Variants in UBR2 observed in about 807,000 individuals in gnomAD.
UBR2 encodes E3 ubiquitin-protein ligase UBR2.
A neutral mutation model predicts 247.9 loss-of-function variants in UBR2; 92 were observed. The observed-to-expected ratio is 0.37, with a 90% CI of 0.31 to 0.44. UBR2 has a LOEUF of 0.44. Among genes scored for constraint, UBR2 ranks in the 20% least tolerant of loss-of-function variants. The probability of loss-of-function intolerance (pLI) is 1.00; values close to 1 mark genes in which losing one functional copy is unlikely to be tolerated. For synonymous variants in UBR2, 672 were observed against 693.5 expected, an observed-to-expected ratio of 0.97 and a Z score of 0.49; for missense variants, 1,613 against 2,112.6, an observed-to-expected ratio of 0.76 and a Z score of 4.64.
At chr6:42,617,349 C>T (rs377326832) in intron 10 of UBR2, 60 bp from the exon 11 acceptor site, 20 of 1,613,886 alleles carry the variant, frequency 1.2e-5, no homozygotes, top group Non-Finnish European at 1.5e-5. Context: ...GTGAGTAGTG[C>T]TTGCCTTTTC....
At chr6:42,661,462 A>C (rs1189506645) in intron 30 of UBR2, among the ~76,000 whole-genome samples, 1 of 152,220 alleles carries the variant, frequency 6.6e-6, no homozygotes, top group African/African-American at 2.4e-5. Flanking sequence ...AATTAAAACT[A>C]TTAAAGCAAA....
intron 21 of UBR2, among the ~76,000 whole-genome samples, chr6:42,646,413 C>T (rs1031083865): frequency 1.3e-5 from 2 of 152,210 alleles, no homozygotes; most frequent in Admixed American, 6.5e-5. Flanking sequence ...CCAGCTTCAA[C>T]AGAGGCCAGT....
chr6:42,593,931 A>G (rs1792820775), intron 3 of UBR2, among the ~76,000 whole-genome samples: 1 of 152,162 alleles, frequency 6.6e-6, no homozygotes, highest in Admixed American at 6.5e-5. Context: ...GATCCTCATG[A>G]TTTTCCTAAT....
chr6:42,631,875 TATATATATATATATAA>T (rs922251953), intron 11 of UBR2, among the ~76,000 whole-genome samples: 3 of 139,656 alleles, frequency 2.1e-5, no homozygotes, highest in Admixed American at 7.2e-5. Flanking sequence ...TATATATATA[TATATATATATATATAA>T]ATACAGGTTC....
intron 22 of UBR2, among the ~76,000 whole-genome samples, chr6:42,649,633 G>A (rs907664034): frequency 3.7e-4 from 56 of 152,078 alleles, no homozygotes; most frequent in African/African-American, 1.2e-3. Flanking sequence ...TTTAATTTGC[G>A]TTACTCTAAG....
At chr6:42,573,654 C>A in intron 1 of UBR2, 80 bp from the exon 2 acceptor site, 1 of 1,370,462 alleles carries the variant, frequency 7.3e-7, no homozygotes, top group Non-Finnish European at 9.5e-7. Context: ...TATTTTTGTA[C>A]CTAAAAGAAA....
chr6:42,661,822 C>T (rs1797829410), intron 30 of UBR2, among the ~76,000 whole-genome samples: 1 of 152,184 alleles, frequency 6.6e-6, no homozygotes, highest in Non-Finnish European at 1.5e-5. Context: ...CATAAGGCAG[C>T]CCCATGAAGA....
intron 7 of UBR2, among the ~76,000 whole-genome samples, chr6:42,611,228 C>T (rs181120661): frequency 2.6e-3 from 394 of 149,570 alleles, no homozygotes; most frequent in African/African-American, 9.1e-3. Context: ...TTTGGGAGGC[C>T]GAGGTGGGGG....
chr6:42,686,756 C>G (rs1000319949), intron 44 of UBR2, among the ~76,000 whole-genome samples: 7 of 152,128 alleles, frequency 4.6e-5, no homozygotes, highest in South Asian at 4.2e-4. Context: ...GGCTGCCCCC[C>G]ACCTCCCGGA....
At chr6:42,569,556 AT>A (rs1670995501) in intron 1 of UBR2, among the ~76,000 whole-genome samples, 1 of 152,026 alleles carries the variant, frequency 6.6e-6, no homozygotes, top group South Asian at 2.1e-4. Flanking sequence ...TTTGTTTAAA[AT>A]TTTTCTCAAT....
intron 36 of UBR2, among the ~76,000 whole-genome samples, chr6:42,671,306 A>G (rs1798421336): frequency 6.6e-6 from 1 of 151,826 alleles, no homozygotes; most frequent in South Asian, 2.1e-4. Context: ...ACTACTTAAG[A>G]GGCTGAGTTG....
In UBR2 at chr6:42,657,260, T is replaced by A. The variant is rs181752096; in HGVS notation, c.2873-764T>A. On this transcript the variant is annotated intron_variant, in intron 26 of 46. Transcript: ENST00000372901. ...AAAAAAAAAAAAAAAAAAAATTAGG[T>A]TCTCTCTTACTTTCTCTTTCCTTAT... Among the ~76,000 whole-genome samples, 91 of 150,530 alleles carry A rather than the reference T, an allele frequency of 6.0e-4. 1 individual carries two copies. The East Asian group carries it at 0.017, about 27-fold the overall frequency.
rs745482391 is a variant in UBR2 at position 42,650,297 on chromosome 6, A to G, written c.2476A>G (p.Thr826Ala). Residue 826 changes from threonine (T) to alanine (A), a missense_variant, in exon 23 of 47, where the codon ACA becomes GCA. Physicochemically the swap from Thr to Ala is moderately conservative, Grantham distance 58 (BLOSUM62 0). Around this residue, in one of 3 missense-constraint regions of UBR2, gnomAD observed 1,524 missense variants for 1,967.3 expected, o/e 0.77. Transcript: ENST00000372901. Reference sequence around the variant, plus strand: ...TTTCTTTCACAGGAAACCTGGATTAACAGGACGAGGCATGTATGAACTGAA... The same window carrying G: ...TTTCTTTCACAGGAAACCTGGATTAGCAGGACGAGGCATGTATGAACTGAA... ...AVAHFKKPGL[T>A]GRGMYELKPE... 3 of 1,613,500 alleles carry G rather than the reference A, an allele frequency of 1.9e-6. No homozygotes were observed. In the South Asian group the frequency reaches 3.3e-5, roughly 18 times the overall value.
chr6:42,602,464 A>G (rs773322302), intron 4 of UBR2, among the ~76,000 whole-genome samples: 2 of 151,840 alleles, frequency 1.3e-5, no homozygotes, highest in Non-Finnish European at 2.9e-5. Context: ...AGCCTCACAA[A>G]GTGCTGGGAT....
chr6:42,616,490 A>G (rs915980087), intron 10 of UBR2, among the ~76,000 whole-genome samples: 5 of 150,566 alleles, frequency 3.3e-5, no homozygotes, highest in African/African-American at 1.2e-4. Context: ...CTTAGTCTTT[A>G]AAAAAAAATA....
At chr6:42,626,499 G>A (rs73422512) in intron 11 of UBR2, among the ~76,000 whole-genome samples, 5 of 152,054 alleles carry the variant, frequency 3.3e-5, no homozygotes, top group African/African-American at 4.8e-5. Flanking sequence ...AGTTGCCTTC[G>A]CTCAAAATAA....
chr6:42,658,575 G>A, intron 28 of UBR2, 71 bp from the exon 29 acceptor site: 1 of 1,418,450 alleles, frequency 7.0e-7, no homozygotes, highest in Non-Finnish European at 9.5e-7. Flanking sequence ...TTACAGTGAA[G>A]ATATTTCTGC....
At chr6:42,674,276 CAGGA>C in intron 38 of UBR2, 83 bp downstream of exon 38, 1 of 1,272,600 alleles carries the variant, frequency 7.9e-7, no homozygotes, top group East Asian at 2.4e-5. Flanking sequence ...TAGTGGCAGA[CAGGA>C]AGGAGTTATG....
chr6:42,576,859 T>A (rs1411405642), intron 2 of UBR2, among the ~76,000 whole-genome samples: 2 of 152,078 alleles, frequency 1.3e-5, no homozygotes, highest in Non-Finnish European at 2.9e-5. Context: ...AAGTAAGCCT[T>A]GTTCTAGGAT....
Sources: allele counts gnomAD v4.1 joint callset (sites outside exome capture counted in the v4.1 genomes callset), GRCh38; gene constraint gnomAD v4.1.1; regional missense constraint gnomAD v4.1.1; transcripts MANE v1.5; gene names NCBI Gene and HGNC (gene_info 2026-07-23, HGNC 2026-07-21).